Variants in PLCB1 observed in about 807,000 individuals in gnomAD.
PLCB1 encodes 1-phosphatidylinositol 4,5-bisphosphate phosphodiesterase beta-1.
PLCB1 carries 46 observed loss-of-function variants against 161.8 expected under a neutral mutation model. The ratio of observed to expected loss-of-function variants is 0.28; its 90% confidence interval spans 0.22 to 0.36. The LOEUF is 0.36. PLCB1 is among the 10% of genes least tolerant of loss of function. The pLI, the probability that PLCB1 is intolerant of heterozygous loss-of-function variation, is 1.00. For synonymous variants in PLCB1, 517 were observed against 503.7 expected (o/e 1.03, Z -0.35); for missense variants, 1,016 against 1,472.5 (o/e 0.69, Z 5.07).
chr20:8,440,675 G>A (rs748152151), intron 3 of PLCB1, among the ~76,000 whole-genome samples: 26 of 152,086 alleles, frequency 1.7e-4, no homozygotes, highest in Non-Finnish European at 3.5e-4. Context: ...GGAGAGACTT[G>A]TTAAAGGATA....
chr20:8,867,064 G>A (rs770025176), intron 31 of PLCB1, among the ~76,000 whole-genome samples: 7 of 152,196 alleles, frequency 4.6e-5, no homozygotes, highest in Non-Finnish European at 1.0e-4. Context: ...GGAGAAGGAT[G>A]TTCTCCAGGG....
chr20:8,602,439 A>G (rs1361365872), intron 3 of PLCB1, among the ~76,000 whole-genome samples: 1 of 152,232 alleles, frequency 6.6e-6, no homozygotes, highest in African/African-American at 2.4e-5. Context: ...ATTAACATGA[A>G]TAGACTTATC....
At chr20:8,523,018 G>C (rs1368909631) in intron 3 of PLCB1, among the ~76,000 whole-genome samples, 1 of 152,136 alleles carries the variant, frequency 6.6e-6, no homozygotes, top group Non-Finnish European at 1.5e-5. Context: ...GTTGGCCATA[G>C]AGCATGATTC....
At chr20:8,425,211 A>T (rs752575268) in intron 3 of PLCB1, among the ~76,000 whole-genome samples, 1 of 151,222 alleles carries the variant, frequency 6.6e-6, no homozygotes, top group Non-Finnish European at 1.5e-5. Flanking sequence ...AACCAATCAG[A>T]GGCTAGGGTG....
At chr20:8,142,439 C>A (rs2051414054) in intron 1 of PLCB1, among the ~76,000 whole-genome samples, 1 of 152,206 alleles carries the variant, frequency 6.6e-6, no homozygotes, top group East Asian at 1.9e-4. Context: ...CAATGCAGAG[C>A]TCACTGCTGT....
chr20:8,302,657 A>G (rs982294231), intron 2 of PLCB1, among the ~76,000 whole-genome samples: 7 of 152,200 alleles, frequency 4.6e-5, no homozygotes, highest in South Asian at 2.1e-4. Context: ...GAGGATTCCA[A>G]TCATTGCTGC....
intron 31 of PLCB1, among the ~76,000 whole-genome samples, chr20:8,839,574 C>A (rs1986415899): frequency 6.6e-6 from 1 of 152,102 alleles, no homozygotes; most frequent in African/African-American, 2.4e-5. Context: ...CATCACCCAC[C>A]CACACACATC....
intron 3 of PLCB1, among the ~76,000 whole-genome samples, chr20:8,482,877 A>G (rs1026077015): frequency 2.0e-5 from 3 of 149,530 alleles, no homozygotes; most frequent in Admixed American, 6.8e-5. Flanking sequence ...TGGCAAATGT[A>G]AGCAGGGCAG....
chr20:8,537,335 C>T (rs577542535), intron 3 of PLCB1, among the ~76,000 whole-genome samples: 9 of 152,216 alleles, frequency 5.9e-5, no homozygotes, highest in Non-Finnish European at 1.0e-4. Flanking sequence ...GAATGCCCTC[C>T]GAAGGTCATA....
At chr20:8,135,753 T>C (rs1305609874) in intron 1 of PLCB1, among the ~76,000 whole-genome samples, 1 of 152,204 alleles carries the variant, frequency 6.6e-6, no homozygotes, top group Non-Finnish European at 1.5e-5. Flanking sequence ...ACTGACCTAA[T>C]GATATTTAAA....
At chr20:8,194,016 A>G (rs2051997943) in intron 2 of PLCB1, among the ~76,000 whole-genome samples, 1 of 152,036 alleles carries the variant, frequency 6.6e-6, no homozygotes, top group Non-Finnish European at 1.5e-5. Context: ...CTAAGAGGAC[A>G]GAGAAAGACA....
At chr20:8,490,036 A>T (rs148317888) in intron 3 of PLCB1, among the ~76,000 whole-genome samples, 1 of 152,262 alleles carries the variant, frequency 6.6e-6, no homozygotes, top group Non-Finnish European at 1.5e-5. Flanking sequence ...CAATATAAAA[A>T]TGTCTCAAAC....
intron 3 of PLCB1, among the ~76,000 whole-genome samples, chr20:8,442,810 C>T (rs1318613362): frequency 6.6e-6 from 1 of 152,076 alleles, no homozygotes; most frequent in African/African-American, 2.4e-5. Context: ...ATATGAAAAC[C>T]AAGCATGCTG....
intron 31 of PLCB1, among the ~76,000 whole-genome samples, chr20:8,798,772 T>A (rs1984152242): frequency 6.6e-6 from 1 of 152,110 alleles, no homozygotes; most frequent in Non-Finnish European, 1.5e-5. Context: ...CAGAAGAATC[T>A]CCATGGAACC....
intron 3 of PLCB1, among the ~76,000 whole-genome samples, chr20:8,418,547 G>A (rs905995966): frequency 6.6e-6 from 1 of 150,806 alleles, no homozygotes; most frequent in African/African-American, 2.5e-5. Flanking sequence ...CCTTCTAAAA[G>A]CTTTCCTTCT....
At chr20:8,411,881 G>A (rs940461440) in intron 3 of PLCB1, among the ~76,000 whole-genome samples, 2 of 152,174 alleles carry the variant, frequency 1.3e-5, no homozygotes, top group African/African-American at 4.8e-5. Flanking sequence ...AAATTAGCCA[G>A]GTGTGGTGGC....
intron 3 of PLCB1, among the ~76,000 whole-genome samples, chr20:8,583,661 T>A (rs1452640794): frequency 6.6e-6 from 1 of 152,188 alleles, no homozygotes; most frequent in African/African-American, 2.4e-5. Flanking sequence ...TCTCCCCCAT[T>A]TCCTGCTGCA....
chr20:8,516,075 C>T (rs1984097086), intron 3 of PLCB1, among the ~76,000 whole-genome samples: 1 of 152,166 alleles, frequency 6.6e-6, no homozygotes, highest in Admixed American at 6.5e-5. Flanking sequence ...GACTTGTTCA[C>T]TAACATGAAA....
At chr20:8,619,769 A>G (rs6077391) in intron 3 of PLCB1, among the ~76,000 whole-genome samples, 10,904 of 152,292 alleles carry the variant, frequency 0.072, 942 homozygotes, top group African/African-American at 0.21. Flanking sequence ...GAATTAAGGG[A>G]AAAACAAAAT....
Sources: allele counts gnomAD v4.1 joint callset (sites outside exome capture counted in the v4.1 genomes callset), GRCh38; gene constraint gnomAD v4.1.1; transcripts MANE v1.5; gene names NCBI Gene and HGNC (gene_info 2026-07-23, HGNC 2026-07-21).